The following CD9 variants were observed in gnomAD, a reference collection of about 807,000 sequenced individuals.
The protein encoded by CD9 is CD9 molecule.
A neutral mutation model predicts 31.4 loss-of-function variants in CD9; 10 were observed. That is an observed-to-expected ratio of 0.32 (90% CI 0.20 to 0.54). CD9 has a LOEUF of 0.54. Among genes scored for constraint, CD9 ranks in the 20% least tolerant of loss-of-function variants. The pLI is 0.94. For missense variants in CD9, 259 were observed against 300.1 expected, an observed-to-expected ratio of 0.86 and a Z score of 1.01; for synonymous variants, 113 against 114.1, an observed-to-expected ratio of 0.99 and a Z score of 0.06.
intron 1 of CD9, among the ~76,000 whole-genome samples, chr12:6,219,734 C>G (rs780428637): frequency 5.3e-5 from 8 of 152,164 alleles, no homozygotes; most frequent in Non-Finnish European, 7.3e-5. Context: ...ATCCGCCCGC[C>G]TCGGCCTCCC....
chr12:6,216,747 A>G (rs1436943838), intron 1 of CD9, among the ~76,000 whole-genome samples: 2 of 152,162 alleles, frequency 1.3e-5, no homozygotes, highest in African/African-American at 2.4e-5. Context: ...AGACTCCCAC[A>G]CAAACCAGGA....
intron 2 of CD9, among the ~76,000 whole-genome samples, chr12:6,231,277 C>T (rs1946443893): frequency 6.6e-6 from 1 of 152,234 alleles, no homozygotes; most frequent in Admixed American, 6.5e-5. Flanking sequence ...TTGTTGTGCA[C>T]ATGTGGATTA....
At position 6,236,197 on chromosome 12, in the gene CD9, T is replaced by C; in HGVS notation, c.543T>C (p.Cys181=). 1 of 1,614,184 alleles carries C rather than the reference T, an allele frequency of 6.2e-7. No individual in the cohort carries two copies. Among genetic ancestry groups the C allele is most frequent in the Non-Finnish European group, 8.5e-7 (1 of 1,180,024 alleles). The change falls in exon 7 of 8, where the codon TGT becomes TGC. Residue 181 remains cysteine, a synonymous_variant. Transcript: ENST00000009180. The part of the protein sequence containing the change: ...DVLETFTVKS[C]PDAIKEVFDN... ...TCTTGGTTTGTCTCCCCAAGTCCTGTCCTGATGCCATCAAAGAGGTCTTCG... is the reference window on the plus strand; with the variant it reads ...TCTTGGTTTGTCTCCCCAAGTCCTGCCCTGATGCCATCAAAGAGGTCTTCG...
At chr12:6,222,067 G>C (rs1946298617) in intron 1 of CD9, among the ~76,000 whole-genome samples, 15 of 152,192 alleles carry the variant, frequency 9.9e-5, no homozygotes. Context: ...CAGAAAGTGA[G>C]TTCTCCTAGA....
Position 6,237,812 on chromosome 12 carries a change from AC to A in CD9, c.673del (p.Arg225AlafsTer11). The A allele has an allele frequency of 2.5e-6, 4 of 1,613,002 alleles. No homozygotes were observed. The highest frequency in any genetic ancestry group is 3.4e-6 in the Non-Finnish European group (4 of 1,179,004). The stretch of plus-strand genomic sequence containing the variant: ...ATCTTGTGCTGTGCTATCCGCAGGA[AC>A]CGCGAGATGGTCTAGAGTCAGCTTA... ...SMILCCAIRR[N>X]REMV On this transcript the variant is annotated frameshift_variant, in exon 8 of 8. Transcript: ENST00000009180. LOFTEE classifies it high-confidence loss of function.
Position 6,237,814 on chromosome 12 carries a change from C to T in CD9, c.673C>T (p.Arg225Cys), listed in dbSNP as rs1437494572. The T allele has an allele frequency of 2.5e-6, 4 of 1,612,394 alleles. No homozygotes were observed. The highest frequency in any genetic ancestry group is 1.7e-6 in the Non-Finnish European group (2 of 1,178,614). The change falls in exon 8 of 8, where the codon CGC (arginine) becomes TGC (cysteine). Residue 225 changes from arginine (R) to cysteine (C), a missense_variant. Transcript: ENST00000009180. ...MILCCAIRRN[R>C]EMV ...CTTGTGCTGTGCTATCCGCAGGAAC[C>T]GCGAGATGGTCTAGAGTCAGCTTAC...
intron 1 of CD9, among the ~76,000 whole-genome samples, chr12:6,204,890 C>T (rs1946113983): frequency 6.6e-6 from 1 of 152,226 alleles, no homozygotes; most frequent in African/African-American, 2.4e-5. Flanking sequence ...CTTCCTGTAT[C>T]AGTGCCAACT....
Position 6,200,568 on chromosome 12 carries a change from G to C in CD9, c.66+3G>C. 1.9e-6 allele frequency: 3 copies of C among 1,602,738 alleles called. No homozygotes were observed. Among genetic ancestry groups the C allele is most frequent in the Non-Finnish European group, 2.6e-6 (3 of 1,170,958 alleles). ...TCGGATTTAACTTCATCTTCTGGGT[G>C]AGTGAGCGCGACTGCCGCGCGCTCC... On this transcript the variant is annotated splice_donor_region_variant and intron_variant, in intron 1 of 7. Coordinates refer to ENST00000009180, the MANE Select transcript of CD9 (RefSeq NM_001769.4).
intron 2 of CD9, chr12:6,226,357 G>A (rs1167811977): frequency 6.6e-6 from 1 of 152,206 alleles, no homozygotes; most frequent in African/African-American, 2.4e-5. Context: ...TGCCTGGCTT[G>A]GAGGTAGGAA....
In CD9 at chr12:6,232,344, C is replaced by G. The variant is rs1946456394; in HGVS notation, c.176-288C>G. The G allele has an allele frequency of 7.9e-6, 4 of 504,504 alleles. No homozygotes were observed. In the South Asian group the frequency reaches 8.5e-5, roughly 11 times the overall value. 31.3% of individuals were successfully genotyped at this position (504,504 alleles called of 1,614,324 possible). On this transcript the variant is annotated intron_variant, in intron 2 of 7. Transcript: ENST00000009180. This position sits in a 1 kb window ranked among gnomAD's most constrained non-coding sequence, Gnocchi z 4.8. ...ATGTAGGGATTCCCGTGGATATTCT[C>G]TGTCCTGGATTGAGGGCTAATGGGC... is the stretch of plus-strand genomic sequence containing the variant.
At chr12:6,207,186 C>T (rs1429398280) in intron 1 of CD9, among the ~76,000 whole-genome samples, 1 of 152,188 alleles carries the variant, frequency 6.6e-6, no homozygotes, top group Non-Finnish European at 1.5e-5. Flanking sequence ...CCAGCCTGAG[C>T]TCACGCTATA....
intron 1 of CD9, among the ~76,000 whole-genome samples, chr12:6,203,861 T>C (rs1374876355): frequency 1.3e-5 from 2 of 152,128 alleles, no homozygotes; most frequent in Non-Finnish European, 2.9e-5. Context: ...AGGAACTCCT[T>C]AGGGCAAAAG....
intron 5 of CD9, 33 bp downstream of exon 5, chr12:6,235,360 CTT>C (rs1555090944): frequency 1.9e-6 from 3 of 1,614,204 alleles, no homozygotes; most frequent in Non-Finnish European, 2.5e-6. Context: ...CCCTCCTGCG[CTT>C]TCTCCGGATT....
intron 2 of CD9, among the ~76,000 whole-genome samples, chr12:6,225,976 G>C (rs2136626247): frequency 6.6e-6 from 1 of 152,322 alleles, no homozygotes; most frequent in Non-Finnish European, 1.5e-5. Context: ...GGGACTCTGA[G>C]ACTGGGAAAA....
Position 6,232,227 on chromosome 12 carries a change from G to T in CD9, c.176-405G>T, listed in dbSNP as rs2136635415. On this transcript the variant is annotated intron_variant, in intron 2 of 7. Transcript: ENST00000009180. This position sits in a 1 kb window ranked among gnomAD's most constrained non-coding sequence, Gnocchi z 4.8. ...TCCTCTGTAAGGCAGGGTCCCAGAA[G>T]TTAGCCAGAGTGTGGAAGGTATATG... 4.2e-6 allele frequency: 1 copy of T among 237,582 alleles called. No homozygotes were observed. Among genetic ancestry groups the T allele is most frequent in the Middle Eastern group, 1.7e-3 (1 of 598 alleles). The allele number at this position is 237,582 out of a possible 1,614,324, so 14.7% of individuals were successfully genotyped here.
At chr12:6,225,389 A>C (rs752839276) in intron 1 of CD9, 37 bp from the exon 2 acceptor site, 2 of 1,395,920 alleles carry the variant, frequency 1.4e-6, no homozygotes, top group Middle Eastern at 3.6e-4. Context: ...TGTTGCTGGC[A>C]GCCAGAATTA....
chr12:6,215,786 T>G (rs1372266722), intron 1 of CD9, among the ~76,000 whole-genome samples: 1 of 152,246 alleles, frequency 6.6e-6, no homozygotes, highest in African/African-American at 2.4e-5. Context: ...TAATATGCCC[T>G]GTTGTCATCT....
intron 2 of CD9, chr12:6,225,757 C>G: frequency 3.6e-6 from 2 of 562,244 alleles, no homozygotes; most frequent in Non-Finnish European, 6.4e-6. Flanking sequence ...ATGGCCAAGT[C>G]AGGCATGTTG....
In CD9 at chr12:6,229,653, C is replaced by G. The variant is rs142916466; in HGVS notation, c.176-2979C>G. Among the ~76,000 whole-genome samples the G allele has an allele frequency of 1.1e-3, 170 of 152,252 alleles. 4 individuals are homozygous for G. The South Asian group carries it at 0.028, about 25-fold the overall frequency. ...CGGATTTTGTTCTCCTTCACACAAACGGGCGTGGTGAGTGCTGTTTGCAGG... is the reference window on the plus strand; with the variant it reads ...CGGATTTTGTTCTCCTTCACACAAAGGGGCGTGGTGAGTGCTGTTTGCAGG... On this transcript the variant is annotated intron_variant, in intron 2 of 7. Transcript: ENST00000009180.
Sources: gnomAD v4.1 joint callset for allele counts (sites outside exome capture counted in the v4.1 genomes callset) on GRCh38, gnomAD v4.1.1 for gene constraint, Gnocchi (gnomAD v3.1) non-coding constraint, MANE v1.5 for transcripts, NCBI Gene and HGNC (gene_info 2026-07-23, HGNC 2026-07-21) for gene names.